Variants in RASA1 observed in about 807,000 individuals in gnomAD.
RASA1 encodes the protein ras GTPase-activating protein 1.
RASA1 carries 25 observed loss-of-function variants against 132.2 expected under a neutral mutation model. The observed-to-expected ratio is 0.19, with a 90% confidence interval of 0.14 to 0.26. The LOEUF is 0.26. Among genes scored for constraint, RASA1 ranks in the 10% least tolerant of loss-of-function variants. The pLI is 1.00. For missense variants in RASA1, 964 were observed against 1,299.2 expected (o/e 0.74, Z 3.97); for synonymous variants, 477 against 449.9 (o/e 1.06, Z -0.76).
intron 20 of RASA1, among the ~76,000 whole-genome samples, chr5:87,383,385 A>T (rs1364855810): frequency 6.6e-6 from 1 of 152,174 alleles, no homozygotes; most frequent in East Asian, 1.9e-4. Context: ...TTCTCTAAGT[A>T]TCAAATGACC....
chr5:87,355,676 T>TA (rs1460181425), intron 9 of RASA1, among the ~76,000 whole-genome samples: 2 of 152,228 alleles, frequency 1.3e-5, no homozygotes, highest in African/African-American at 4.8e-5. Flanking sequence ...TTCATAATGT[T>TA]ATGTTTGCAA....
rs180868668 is a variant in RASA1, at chr5:87,308,903, T to C, written c.540-22445T>C. 6.6e-5 allele frequency among the ~76,000 whole-genome samples: 10 copies of C among 152,340 alleles called. No homozygotes were observed. In the East Asian group the frequency reaches 1.2e-3, roughly 18 times the overall value. On this transcript the variant is annotated intron_variant, in intron 1 of 24. Coordinates refer to ENST00000274376, the MANE Select transcript of RASA1 (RefSeq NM_002890.3). ...CAGTTAGATTTGTGTATGTATACTT[T>C]ATGATGTCTGCACAATGATGAAATT... is the stretch of plus-strand genomic sequence containing the variant.
At chr5:87,349,091 A>C (rs1759071726) in intron 7 of RASA1, 123 bp from the exon 8 acceptor site, 2 of 1,221,814 alleles carry the variant, frequency 1.6e-6, no homozygotes, top group Non-Finnish European at 2.3e-6. Flanking sequence ...TAAAAAAAAA[A>C]CAAGTTCCTG....
chr5:87,372,616 TATTTA>T, intron 13 of RASA1, among the ~76,000 whole-genome samples: 1 of 152,302 alleles, frequency 6.6e-6, no homozygotes, highest in South Asian at 2.1e-4. Context: ...TCTTAGGAAA[TATTTA>T]ATCTTATTTG....
intron 1 of RASA1, among the ~76,000 whole-genome samples, chr5:87,281,572 CATTTTT>C (rs1490793449): frequency 2.0e-5 from 3 of 151,430 alleles, no homozygotes; most frequent in East Asian, 3.9e-4. Flanking sequence ...GTCTGTTGCC[CATTTTT>C]GTTTTTGTTT....
Position 87,346,710 on chromosome 5 carries a change from A to G in RASA1, c.1088A>G (p.Asn363Ser), listed in dbSNP as rs770514862. Reference sequence around the variant, plus strand: ...AAGATTTCCAAACAGGAAGCTTATAATTTACTAATGACAGGTACTTACATA... The same window carrying G: ...AAGATTTCCAAACAGGAAGCTTATAGTTTACTAATGACAGGTACTTACATA... Reference protein sequence around the residue: ...HGKISKQEAYNLLMTVGQVCS... With the variant: ...HGKISKQEAYSLLMTVGQVCS... Residue 363 changes from asparagine (N) to serine (S), a missense_variant, in exon 7 of 25, where the codon AAT becomes AGT. Asn to Ser is a conservative substitution (Grantham distance 46). Around this residue, in one of 6 missense-constraint regions of RASA1, gnomAD observed 154 missense variants for 286.5 expected, o/e 0.54. Transcript: ENST00000274376. 11 of 1,551,998 alleles carry G rather than the reference A, an allele frequency of 7.1e-6. No individual in the cohort carries two copies. The highest frequency in any genetic ancestry group is 7.1e-6 in the Non-Finnish European group (8 of 1,125,540).
At chr5:87,385,081 T>C (rs1414097177) in intron 21 of RASA1, among the ~76,000 whole-genome samples, 1 of 152,152 alleles carries the variant, frequency 6.6e-6, no homozygotes, top group South Asian at 2.1e-4. Context: ...CTAGAAGCAC[T>C]GATAAGCATA....
At chr5:87,353,056 T>A (rs1186687767) in intron 8 of RASA1, 101 bp from the exon 9 acceptor site, 2 of 825,682 alleles carry the variant, frequency 2.4e-6, no homozygotes, top group Non-Finnish European at 4.0e-6. Context: ...TTGAAAAAAA[T>A]TTGCTAATTA....
At chr5:87,368,195 C>T (rs1473104176) in intron 11 of RASA1, among the ~76,000 whole-genome samples, 1 of 151,822 alleles carries the variant, frequency 6.6e-6, no homozygotes, top group Non-Finnish European at 1.5e-5. Context: ...TCCTCTGTAC[C>T]AACCTATATA....
At chr5:87,297,886 C>A (rs1361178246) in intron 1 of RASA1, among the ~76,000 whole-genome samples, 4 of 152,068 alleles carry the variant, frequency 2.6e-5, no homozygotes, top group Admixed American at 6.6e-5. Context: ...ATAGTTGAGG[C>A]TTTCTTACCC....
intron 1 of RASA1, among the ~76,000 whole-genome samples, chr5:87,326,157 A>C (rs1363899139): frequency 6.6e-6 from 1 of 152,024 alleles, no homozygotes; most frequent in Non-Finnish European, 1.5e-5. Flanking sequence ...TTTTTTGTAG[A>C]GATGGCGTTT....
chr5:87,340,328 C>T (rs888618570), intron 5 of RASA1, among the ~76,000 whole-genome samples: 1 of 152,062 alleles, frequency 6.6e-6, no homozygotes, highest in Admixed American at 6.6e-5. Flanking sequence ...TTCTGTTACA[C>T]TGTCTAAAAT....
At position 87,338,535 on chromosome 5, in the gene RASA1, A is replaced by ATTTTTTT. The variant is rs1561292521; in HGVS notation, c.1017+444_1017+445insTTTTTTT. Among the ~76,000 whole-genome samples the ATTTTTTT allele has an allele frequency of 2.2e-3, 211 of 95,874 alleles. 7 individuals carry two copies. Among genetic ancestry groups the ATTTTTTT allele is most frequent in the African/African-American group, 9.3e-3 (195 of 20,920 alleles). 62.9% of individuals were successfully genotyped at this position (95,874 alleles called of 152,430 possible). ...TATATATATATATATATATATATAA[A>ATTTTTTT]ATTTTTTTTTTTTTTAAGTAGAAAT... On this transcript the variant is annotated intron_variant, in intron 5 of 24. Coordinates refer to ENST00000274376, the MANE Select transcript of RASA1 (RefSeq NM_002890.3).
In RASA1 at chr5:87,268,564, T is replaced by TA; in HGVS notation, c.114dup (p.Pro39ThrfsTer73). Reference sequence around the variant, plus strand: ...TATCCCGCAGTGTGTCGGGTGAAGATACCCGCGGCCCTGCCTGTGGCAGCC... The same window carrying TA: ...TATCCCGCAGTGTGTCGGGTGAAGATAACCCGCGGCCCTGCCTGTGGCAGCC... On this transcript the variant is annotated frameshift_variant, in exon 1 of 25. Transcript: ENST00000274376. LOFTEE classifies it high-confidence loss of function. The TA allele has an allele frequency of 6.2e-7, 1 of 1,606,260 alleles. No individual in the cohort carries two copies. Among genetic ancestry groups the TA allele is most frequent in the Non-Finnish European group, 8.5e-7 (1 of 1,177,526 alleles).
At chr5:87,386,681 G>T in intron 22 of RASA1, 145 bp from the exon 23 acceptor site, 1 of 684,120 alleles carries the variant, frequency 1.5e-6, no homozygotes. Flanking sequence ...AAGAAGTATT[G>T]CTACATGTAT....
intron 11 of RASA1, among the ~76,000 whole-genome samples, chr5:87,365,380 C>T (rs908613977): frequency 5.3e-5 from 8 of 152,074 alleles, no homozygotes; most frequent in Non-Finnish European, 7.4e-5. Context: ...GTGGCTATAC[C>T]TCAGTACTTC....
At chr5:87,385,501 A>G in intron 22 of RASA1, 112 bp downstream of exon 22, 2 of 811,916 alleles carry the variant, frequency 2.5e-6, no homozygotes, top group Non-Finnish European at 4.1e-6. Flanking sequence ...TAGCGATGAA[A>G]GATTATTTTT....
At chr5:87,305,225 A>G (rs1168981125) in intron 1 of RASA1, among the ~76,000 whole-genome samples, 1 of 152,184 alleles carries the variant, frequency 6.6e-6, no homozygotes, top group Admixed American at 6.5e-5. Context: ...AACTGGAGGC[A>G]TCATGCTACC....
chr5:87,285,167 A>G (rs1236883729), intron 1 of RASA1, among the ~76,000 whole-genome samples: 1 of 151,684 alleles, frequency 6.6e-6, no homozygotes, highest in Non-Finnish European at 1.5e-5. Flanking sequence ...TCCCGGGTTC[A>G]AGCGATTCTT....
Sources: allele counts gnomAD v4.1 joint callset (sites outside exome capture counted in the v4.1 genomes callset), GRCh38; gene constraint gnomAD v4.1.1; regional missense constraint gnomAD v4.1.1; transcripts MANE v1.5; gene names NCBI Gene and HGNC (gene_info 2026-07-23, HGNC 2026-07-21).